Variants in PTPRD observed in about 807,000 individuals in gnomAD.
PTPRD encodes protein tyrosine phosphatase receptor type D.
Under a neutral mutation model 214.5 loss-of-function variants are expected in PTPRD, and 34 were observed. The observed-to-expected ratio is 0.16, with a 90% CI of 0.12 to 0.21. The LOEUF is 0.21. Ranked by LOEUF, PTPRD falls within the 10% of genes least tolerant of loss-of-function variation. The pLI is 1.00. For synonymous variants in PTPRD, 1,128 were observed against 845.7 expected, an observed-to-expected ratio of 1.33 and a Z score of -5.79; for missense variants, 2,545 against 2,398.7, an observed-to-expected ratio of 1.06 and a Z score of -1.27.
chr9:9,106,882 A>G (rs2099799414), intron 10 of PTPRD, among the ~76,000 whole-genome samples: 1 of 152,150 alleles, frequency 6.6e-6, no homozygotes, highest in Admixed American at 6.6e-5. Flanking sequence ...ACAGTGTGAC[A>G]TAATGTCTGT....
intron 2 of PTPRD, among the ~76,000 whole-genome samples, chr9:10,559,401 C>G (rs903844136): frequency 6.6e-6 from 1 of 152,046 alleles, no homozygotes; most frequent in African/African-American, 2.4e-5. Flanking sequence ...CAGTCACATT[C>G]CAAATAATCA....
chr9:10,346,335 A>T (rs946024710), intron 2 of PTPRD, among the ~76,000 whole-genome samples: 25 of 152,148 alleles, frequency 1.6e-4, no homozygotes, highest in African/African-American at 5.5e-4. Context: ...TGAGGCTTCA[A>T]TTCATGTTTT....
chr9:8,364,926 A>T (rs1472880631), intron 39 of PTPRD, among the ~76,000 whole-genome samples: 3 of 152,116 alleles, frequency 2.0e-5, no homozygotes, highest in Admixed American at 2.0e-4. Context: ...CTTCCTCTCA[A>T]TATACAGGTG....
intron 39 of PTPRD, among the ~76,000 whole-genome samples, chr9:8,360,997 A>G (rs573569636): frequency 6.6e-6 from 1 of 152,204 alleles, no homozygotes; most frequent in Non-Finnish European, 1.5e-5. Context: ...AAATTTTCTA[A>G]GTGATTTTCA....
chr9:9,034,773 C>T (rs941360570), intron 10 of PTPRD, among the ~76,000 whole-genome samples: 2 of 152,148 alleles, frequency 1.3e-5, no homozygotes, highest in African/African-American at 4.8e-5. Flanking sequence ...ATAGAAATAA[C>T]ACCTACCTCA....
chr9:9,320,605 C>T (rs1965994716), intron 9 of PTPRD, among the ~76,000 whole-genome samples: 1 of 152,140 alleles, frequency 6.6e-6, no homozygotes, highest in Admixed American at 6.6e-5. Context: ...CCTTCGTCTA[C>T]TATCCTCCTG....
At chr9:9,021,429 C>A (rs1014918792) in intron 10 of PTPRD, among the ~76,000 whole-genome samples, 2 of 152,058 alleles carry the variant, frequency 1.3e-5, no homozygotes, top group African/African-American at 2.4e-5. Flanking sequence ...GGCATTAGTA[C>A]TTGATAATAA....
At chr9:10,512,302 G>A (rs186638761) in intron 2 of PTPRD, among the ~76,000 whole-genome samples, 6 of 152,126 alleles carry the variant, frequency 3.9e-5, no homozygotes, top group African/African-American at 7.2e-5. Context: ...GAGAATGTGT[G>A]ACTATGTGAG....
intron 8 of PTPRD, among the ~76,000 whole-genome samples, chr9:9,475,458 TAA>T (rs917917303): frequency 2.0e-5 from 3 of 152,164 alleles, no homozygotes; most frequent in African/African-American, 7.2e-5. Context: ...AAATCGAACC[TAA>T]AAAAGATGAA....
chr9:9,644,149 G>T (rs2096066425), intron 7 of PTPRD, among the ~76,000 whole-genome samples: 1 of 152,118 alleles, frequency 6.6e-6, no homozygotes, highest in Non-Finnish European at 1.5e-5. Flanking sequence ...TCATAAAAAT[G>T]TTTATATAGA....
chr9:9,947,522 T>TTA lies in PTPRD; in HGVS notation c.-471-8914_-471-8913dup, dbSNP rs1375397658. 8.2e-4 allele frequency among the ~76,000 whole-genome samples: 17 copies of TTA among 20,810 alleles called. 2 individuals carry two copies. Among genetic ancestry groups the TTA allele is most frequent in the African/African-American group, 4.1e-3 (17 of 4,154 alleles). The allele number at this position is 20,810 out of a possible 152,430, so 13.7% of individuals were successfully genotyped here. ...ATATTTTATATATATAATATATATA[T>TTA]TATATATATTTTATATATAATATAT... On this transcript the variant is annotated intron_variant, in intron 4 of 45. Transcript: ENST00000381196.
chr9:10,334,145 A>C (rs2096800847), intron 3 of PTPRD, among the ~76,000 whole-genome samples: 2 of 151,758 alleles, frequency 1.3e-5, no homozygotes, highest in Non-Finnish European at 2.9e-5. Context: ...AATATACTAA[A>C]GATAGGGGAA....
At chr9:9,155,545 A>T (rs2099880465) in intron 10 of PTPRD, among the ~76,000 whole-genome samples, 1 of 152,148 alleles carries the variant, frequency 6.6e-6, no homozygotes. Context: ...CATAATCAAC[A>T]TTGCTTATTA....
intron 27 of PTPRD, among the ~76,000 whole-genome samples, chr9:8,487,484 C>G (rs1224808992): frequency 6.6e-6 from 1 of 152,106 alleles, no homozygotes; most frequent in African/African-American, 2.4e-5. Flanking sequence ...AATCCCAGCA[C>G]TTTGGGAGCT....
At chr9:10,055,159 A>C (rs1012302588) in intron 3 of PTPRD, among the ~76,000 whole-genome samples, 4 of 152,080 alleles carry the variant, frequency 2.6e-5, no homozygotes, top group Non-Finnish European at 4.4e-5. Context: ...CCAGACCCTA[A>C]GAAATAAATG....
At chr9:9,325,208 G>C (rs1435393457) in intron 9 of PTPRD, among the ~76,000 whole-genome samples, 2 of 152,166 alleles carry the variant, frequency 1.3e-5, no homozygotes, top group African/African-American at 2.4e-5. Context: ...CTTTAAAGTA[G>C]TTTTCTCCAA....
In PTPRD at chr9:10,554,704, A is replaced by G. The variant is rs2131268405; in HGVS notation, c.-600+57694T>C. Among the ~76,000 whole-genome samples the G allele has an allele frequency of 1.3e-5, 2 of 152,062 alleles. 1 individual carries two copies. Among genetic ancestry groups the G allele is most frequent in the East Asian group, 3.9e-4 (2 of 5,168 alleles). ...AAGATGGAGTCTCGCTTTGTCGCTCAGACTGGACTGCAGTGGCACCATCTT... is the reference window on the plus strand; with the variant it reads ...AAGATGGAGTCTCGCTTTGTCGCTCGGACTGGACTGCAGTGGCACCATCTT... On this transcript the variant is annotated intron_variant, in intron 2 of 45. Coordinates refer to ENST00000381196, the MANE Select transcript of PTPRD (RefSeq NM_002839.4).
At chr9:9,778,235 C>A (rs1456394878) in intron 5 of PTPRD, among the ~76,000 whole-genome samples, 2 of 152,106 alleles carry the variant, frequency 1.3e-5, no homozygotes, top group East Asian at 1.9e-4. Context: ...AGGGCTAGTT[C>A]CCAGCCCCGA....
chr9:9,184,862 C>A (rs898424268), intron 9 of PTPRD, among the ~76,000 whole-genome samples: 1 of 152,012 alleles, frequency 6.6e-6, no homozygotes, highest in African/African-American at 2.4e-5. Flanking sequence ...AACTATTATT[C>A]TAAATAGTTA....
Sources: allele counts gnomAD v4.1 joint callset (sites outside exome capture counted in the v4.1 genomes callset), GRCh38; gene constraint gnomAD v4.1.1; transcripts MANE v1.5; gene names NCBI Gene and HGNC (gene_info 2026-07-23, HGNC 2026-07-21).